The following PSD3 variants were observed in gnomAD, a reference collection of about 807,000 sequenced individuals.
PSD3 encodes pleckstrin and Sec7 domain containing 3.
In PSD3, 49 loss-of-function variants were observed where a neutral mutation model predicts 105.5. That is an observed-to-expected ratio of 0.46 (90% CI 0.37 to 0.59). PSD3 has a LOEUF of 0.59. PSD3 is among the 20% of genes least tolerant of loss of function. The pLI is 0.00. For missense variants in PSD3, 1,561 were observed against 1,263.8 expected, an observed-to-expected ratio of 1.24 and a Z score of -3.57; for synonymous variants, 557 against 457.8, an observed-to-expected ratio of 1.22 and a Z score of -2.77.
At chr8:18,804,671 G>C (rs1436861032) in intron 5 of PSD3, 33 bp downstream of exon 5, 15 of 1,611,736 alleles carry the variant, frequency 9.3e-6, no homozygotes, top group Non-Finnish European at 1.3e-5. Context: ...AAACAGGAGA[G>C]AATTCAGACT....
At chr8:18,540,744 G>C (rs1585200738) in intron 15 of PSD3, among the ~76,000 whole-genome samples, 2 of 152,052 alleles carry the variant, frequency 1.3e-5, no homozygotes, top group East Asian at 1.9e-4. Flanking sequence ...TAAAACACAA[G>C]ACAGAGTGTG....
chr8:18,710,219 C>A (rs903366874), intron 9 of PSD3, among the ~76,000 whole-genome samples: 1 of 152,044 alleles, frequency 6.6e-6, no homozygotes, highest in African/African-American at 2.4e-5. Context: ...AATAGCCAAA[C>A]AGACCATGTG....
chr8:18,581,606 A>C (rs1802822690), intron 12 of PSD3, among the ~76,000 whole-genome samples: 1 of 152,150 alleles, frequency 6.6e-6, no homozygotes, highest in Non-Finnish European at 1.5e-5. Context: ...AGAAGTGTTC[A>C]CCCGAATTTA....
intron 9 of PSD3, among the ~76,000 whole-genome samples, chr8:18,728,101 T>C (rs1355241333): frequency 6.6e-6 from 1 of 151,080 alleles, no homozygotes; most frequent in Admixed American, 6.6e-5. Flanking sequence ...GAAGAGAGAG[T>C]GTTAAACTTC....
At chr8:18,570,471 G>T (rs1802058410) in intron 14 of PSD3, among the ~76,000 whole-genome samples, 1 of 144,044 alleles carries the variant, frequency 6.9e-6, no homozygotes, top group Non-Finnish European at 1.5e-5. Flanking sequence ...TGACAAATGG[G>T]ATCTAATTAA....
intron 11 of PSD3, among the ~76,000 whole-genome samples, chr8:18,604,728 G>C (rs971445315): frequency 2.0e-5 from 3 of 152,196 alleles, no homozygotes; most frequent in Admixed American, 6.5e-5. Context: ...GCCAGAGCCA[G>C]GGCACTGCTG....
intron 1 of PSD3, among the ~76,000 whole-genome samples, chr8:18,939,553 G>C (rs1822387586): frequency 6.8e-6 from 1 of 147,028 alleles, no homozygotes; most frequent in Admixed American, 6.8e-5. Context: ...TAGATATGTT[G>C]CTCTGACTGG....
chr8:18,612,396 C>A (rs1055465689), intron 11 of PSD3, among the ~76,000 whole-genome samples: 1 of 151,442 alleles, frequency 6.6e-6, no homozygotes, highest in African/African-American at 2.4e-5. Flanking sequence ...TCTTTTGAGA[C>A]GGAGTCTTGC....
intron 9 of PSD3, among the ~76,000 whole-genome samples, chr8:18,659,545 C>T (rs1174100169): frequency 6.6e-6 from 1 of 152,230 alleles, no homozygotes; most frequent in Non-Finnish European, 1.5e-5. Context: ...CAACTAAGTA[C>T]ATTGTCTCCT....
At chr8:18,674,722 T>G (rs905865303) in intron 9 of PSD3, among the ~76,000 whole-genome samples, 8 of 152,024 alleles carry the variant, frequency 5.3e-5, no homozygotes, top group African/African-American at 1.9e-4. Context: ...AAGAAAGAAG[T>G]GTGGCCAGAT....
At chr8:18,798,203 G>C (rs1810359739) in intron 8 of PSD3, among the ~76,000 whole-genome samples, 2 of 152,084 alleles carry the variant, frequency 1.3e-5, no homozygotes, top group Non-Finnish European at 2.9e-5. Context: ...CTTCCTGAAA[G>C]TATTTTCTTT....
At chr8:18,987,846 C>T (rs1338716673) in intron 1 of PSD3, among the ~76,000 whole-genome samples, 5 of 152,108 alleles carry the variant, frequency 3.3e-5, no homozygotes, top group South Asian at 2.1e-4. Context: ...ATAATAAATC[C>T]GTTTTGCAAA....
At chr8:18,995,675 G>C (rs1826038289) in intron 1 of PSD3, among the ~76,000 whole-genome samples, 1 of 152,064 alleles carries the variant, frequency 6.6e-6, no homozygotes, top group Non-Finnish European at 1.5e-5. Flanking sequence ...AGCTCAGCTT[G>C]ACTAGGAAGG....
upstream of PSD3, among the ~76,000 whole-genome samples, chr8:19,018,324 T>A (rs190237018): frequency 6.6e-3 from 1,003 of 151,698 alleles, 11 homozygotes; most frequent in African/African-American, 0.023. Flanking sequence ...AGGCATTTCA[T>A]TTTTTATGCA....
At chr8:18,802,859 G>C (rs1810824299) in intron 6 of PSD3, among the ~76,000 whole-genome samples, 1 of 152,180 alleles carries the variant, frequency 6.6e-6, no homozygotes, top group Admixed American at 6.5e-5. Context: ...GAATCAGTGA[G>C]TTTTAGACAC....
In PSD3 at chr8:18,872,049, T is replaced by A; in HGVS notation, c.815A>T (p.Gln272Leu). The stretch of plus-strand genomic sequence containing the variant: ...GTGCTCTCTCCCAAGAGCAGACCTC[T>A]GCTCTTTCAAGAAACCAACACTGCC... ...SAGSVGFLKE[Q>L]RSALGREHPG... The change falls in exon 3 of 16, where the codon CAG (glutamine) becomes CTG (leucine). Residue 272 changes from glutamine to leucine, a missense_variant. Transcript: ENST00000327040. The A allele has an allele frequency of 6.2e-7, 1 of 1,614,162 alleles. No homozygotes were observed. The highest frequency in any genetic ancestry group is 8.5e-7 in the Non-Finnish European group (1 of 1,180,022).
chr8:18,780,942 G>C (rs1322924179), intron 8 of PSD3, among the ~76,000 whole-genome samples: 3 of 152,088 alleles, frequency 2.0e-5, no homozygotes, highest in Non-Finnish European at 4.4e-5. Flanking sequence ...CTTCTTGTAG[G>C]GCCAGTAGAG....
At chr8:18,976,328 A>G (rs1428731634) in intron 1 of PSD3, among the ~76,000 whole-genome samples, 1 of 152,248 alleles carries the variant, frequency 6.6e-6, no homozygotes, top group Non-Finnish European at 1.5e-5. Flanking sequence ...AATAAATTAC[A>G]AATTACATTG....
chr8:18,658,149 A>AT (rs932529952), intron 9 of PSD3, among the ~76,000 whole-genome samples: 26 of 152,224 alleles, frequency 1.7e-4, no homozygotes, highest in Middle Eastern at 3.4e-3. Flanking sequence ...ATAGAATAGA[A>AT]TTTTTTTTGT....
Sources: allele counts gnomAD v4.1 joint callset (sites outside exome capture counted in the v4.1 genomes callset), GRCh38; gene constraint gnomAD v4.1.1; transcripts MANE v1.5; gene names NCBI Gene and HGNC (gene_info 2026-07-23, HGNC 2026-07-21).